Variants in AKAP3 observed in about 807,000 individuals in gnomAD.
AKAP3 encodes A-kinase anchoring protein 3, also known as A-kinase anchor protein 3.
Under a neutral mutation model 57.2 loss-of-function variants are expected in AKAP3, and 27 were observed. The observed-to-expected ratio is 0.47, with a 90% CI of 0.35 to 0.65. The LOEUF is 0.65. Ranked by LOEUF, AKAP3 falls within the 30% of genes least tolerant of loss-of-function variation. AKAP3 has a pLI of 0.01. For missense variants in AKAP3, 959 were observed against 1,040.0 expected (o/e 0.92, Z 1.07); for synonymous variants, 334 against 392.3 (o/e 0.85, Z 1.76).
At chr12:4,640,685 C>T (rs1446586692) in intron 3 of AKAP3, among the ~76,000 whole-genome samples, 3 of 152,220 alleles carry the variant, frequency 2.0e-5, no homozygotes, top group Non-Finnish European at 4.4e-5. Flanking sequence ...ACACAGGAAT[C>T]ACTAACTCAG....
chr12:4,627,856 A>T lies in AKAP3; in HGVS notation c.1046T>A (p.Met349Lys). 1 of 1,614,162 alleles carries T rather than the reference A, an allele frequency of 6.2e-7. No individual in the cohort carries two copies. The highest frequency in any genetic ancestry group is 8.5e-7 in the Non-Finnish European group (1 of 1,180,024). Reference protein sequence around the residue: ...RNLHSVTGTLMTDTQFVSAVK... With the variant: ...RNLHSVTGTLKTDTQFVSAVK... Reference sequence around the variant, plus strand: ...AGCCGAGACAAACTGTGTGTCAGTCATGAGGGTCCCTGTGACGCTGTGGAG... The same window carrying T: ...AGCCGAGACAAACTGTGTGTCAGTCTTGAGGGTCCCTGTGACGCTGTGGAG... Residue 349 changes from methionine to lysine, a missense_variant, in exon 5 of 6, where the codon ATG becomes AAG. Met to Lys is a moderately conservative substitution (Grantham distance 95). Coordinates refer to ENST00000228850, the MANE Select transcript of AKAP3 (RefSeq NM_001278309.2).
rs775065437 is a variant in AKAP3 at position 4,627,294 on chromosome 12, T to C, written c.1608A>G (p.Gln536=). The C allele has an allele frequency of 1.1e-5, 17 of 1,613,854 alleles. No individual in the cohort carries two copies. In the Admixed American group the frequency reaches 2.5e-4, roughly 24 times the overall value. ...DLIVSALLLI[Q]YHLAQGGRRD... ...TTCTTCCTCCCTGGGCCAGGTGATA[T>C]TGAATCAGAAGCAGGGCAGACACGA... The change falls in exon 5 of 6, where the codon CAA becomes CAG. Residue 536 remains glutamine, a synonymous_variant. Transcript: ENST00000228850.
At chr12:4,638,634 A>G (rs915416605) in intron 3 of AKAP3, among the ~76,000 whole-genome samples, 1 of 152,152 alleles carries the variant, frequency 6.6e-6, no homozygotes, top group Non-Finnish European at 1.5e-5. Context: ...CTTTTAAGTA[A>G]TTGTTTCATT....
At chr12:4,641,640 A>G (rs1019237613) in intron 3 of AKAP3, among the ~76,000 whole-genome samples, 1 of 152,240 alleles carries the variant, frequency 6.6e-6, no homozygotes, top group African/African-American at 2.4e-5. Flanking sequence ...CATCGTTACT[A>G]TAAAGAAAAC....
At chr12:4,617,477 G>A (rs1161426442) in intron 5 of AKAP3, among the ~76,000 whole-genome samples, 8 of 152,218 alleles carry the variant, frequency 5.3e-5, no homozygotes, top group East Asian at 1.9e-4. Context: ...TAAGGGCCGG[G>A]AGCAGTGGCT....
chr12:4,619,087 T>A (rs1342086679), intron 5 of AKAP3, among the ~76,000 whole-genome samples: 1 of 152,204 alleles, frequency 6.6e-6, no homozygotes, highest in Non-Finnish European at 1.5e-5. Context: ...ATATTTCTCA[T>A]CATTTTAATG....
At chr12:4,639,224 G>A (rs984797095) in intron 3 of AKAP3, among the ~76,000 whole-genome samples, 9 of 152,122 alleles carry the variant, frequency 5.9e-5, no homozygotes, top group Non-Finnish European at 1.3e-4. Flanking sequence ...GTTATCCACT[G>A]ATCATCTAAA....
chr12:4,629,786 G>A (rs1591822372), intron 4 of AKAP3, among the ~76,000 whole-genome samples: 1 of 152,178 alleles, frequency 6.6e-6, no homozygotes, highest in East Asian at 1.9e-4. Flanking sequence ...CCAAAAAAAT[G>A]AGAAAATTCA....
intron 3 of AKAP3, among the ~76,000 whole-genome samples, chr12:4,638,924 A>G (rs1410952849): frequency 6.6e-6 from 1 of 152,138 alleles, no homozygotes; most frequent in Non-Finnish European, 1.5e-5. Flanking sequence ...TGGCACCACC[A>G]TTTACCTGGT....
chr12:4,629,990 A>G (rs140783484), intron 4 of AKAP3, among the ~76,000 whole-genome samples: 38 of 152,228 alleles, frequency 2.5e-4, no homozygotes, highest in Non-Finnish European at 3.8e-4. Flanking sequence ...ATATGTTTGT[A>G]AATTGTACAA....
At chr12:4,629,816 A>G (rs1034056758) in intron 4 of AKAP3, among the ~76,000 whole-genome samples, 7 of 152,218 alleles carry the variant, frequency 4.6e-5, no homozygotes, top group Non-Finnish European at 7.3e-5. Context: ...GTGGATAATT[A>G]ATCACTTTGC....
At position 4,635,285 on chromosome 12, in the gene AKAP3, C is replaced by T. The variant is rs1233307697; in HGVS notation, c.96+2816G>A. 1.1e-5 allele frequency: 4 copies of T among 353,616 alleles called. No homozygotes were observed. The South Asian group carries it at 1.3e-4, about 11-fold the overall frequency. 21.9% of individuals were successfully genotyped at this position (353,616 alleles called of 1,614,324 possible). On this transcript the variant is annotated intron_variant, in intron 4 of 5. Transcript: ENST00000228850. ...CTGGGCTGGTTAAATGGTCCAATTC[C>T]ATTGTTATTAACATTTAAGAAGCAG...
rs1945732741 is a variant in AKAP3, at chr12:4,648,845, G to A, written c.-345C>T. On this transcript the variant is annotated 5_prime_UTR_variant, in exon 1 of 6. Coordinates refer to ENST00000228850, the MANE Select transcript of AKAP3 (RefSeq NM_001278309.2). ...GGTCTTGCCATTTTGCATGTCCTGA[G>A]TCAGTCACTGGTTAACTCTGAACTT... The A allele has an allele frequency of 2.3e-6, 1 of 438,252 alleles. No homozygotes were observed. The highest frequency in any genetic ancestry group is 4.1e-6 in the Non-Finnish European group (1 of 246,358). The allele number at this position is 438,252 out of a possible 1,614,324, so 27.1% of individuals were successfully genotyped here.
In AKAP3 at chr12:4,628,595, G is replaced by C; in HGVS notation, c.307C>G (p.His103Asp). ...TPERLHFEMT[H>D]KEIPCQGPRA... ...GGGCCCTGGCAAGGAATCTCTTTGT[G>C]AGTCATCTCAAAATGCAATCTTTCT... The change falls in exon 5 of 6, where the codon CAC becomes GAC. Residue 103 changes from histidine (H) to aspartate (D), a missense_variant. His to Asp is a moderately conservative substitution (Grantham distance 81). Coordinates refer to ENST00000228850, the MANE Select transcript of AKAP3 (RefSeq NM_001278309.2). 1 of 1,614,186 alleles carries C rather than the reference G, an allele frequency of 6.2e-7. No individual in the cohort carries two copies. Among genetic ancestry groups the C allele is most frequent in the South Asian group, 1.1e-5 (1 of 91,064 alleles).
chr12:4,646,751 C>CT (rs1945704494), intron 1 of AKAP3, among the ~76,000 whole-genome samples: 1 of 152,052 alleles, frequency 6.6e-6, no homozygotes, highest in Admixed American at 6.5e-5. Flanking sequence ...AGTGCACCTA[C>CT]TAGTCAAATT....
At chr12:4,636,081 C>A in intron 4 of AKAP3, 1 of 1,289,988 alleles carries the variant, frequency 7.8e-7, no homozygotes, top group South Asian at 1.2e-5. Flanking sequence ...CAGACTCTCC[C>A]AGAAATACTG....
rs564916393 is a variant in AKAP3, at chr12:4,615,846, C to T, written c.2455G>A (p.Glu819Lys). The T allele has an allele frequency of 1.6e-5, 26 of 1,614,242 alleles. No homozygotes were observed. Among genetic ancestry groups the T allele is most frequent in the African/African-American group, 4.0e-5 (3 of 75,072 alleles). ...TAGCGCAGCACCGACTGCAGAACCT[C>T]GCCCACACTGCATCCTTTGTCCACA... ...AAVDKGCSVG[E>K]VLQSVLRYEK... Residue 819 changes from glutamate to lysine, a missense_variant, in exon 6 of 6, where the codon GAG (glutamate) becomes AAG (lysine). Coordinates refer to ENST00000228850, the MANE Select transcript of AKAP3 (RefSeq NM_001278309.2).
rs1399430903 is a variant in AKAP3 at position 4,627,924 on chromosome 12, T to C, written c.978A>G (p.Ala326=). The change falls in exon 5 of 6, where the codon GCA becomes GCG. Residue 326 remains alanine, a synonymous_variant. Coordinates refer to ENST00000228850, the MANE Select transcript of AKAP3 (RefSeq NM_001278309.2). ...CGATGAGATCCGAGACCACCTCTTT[T>C]GCATGCTTGAGCAGAACCTTCTTCA... ...ILLKKVLLKH[A]KEVVSDLIDS... 3 of 1,614,150 alleles carry C rather than the reference T, an allele frequency of 1.9e-6. No individual in the cohort carries two copies. The highest frequency in any genetic ancestry group is 2.5e-6 in the Non-Finnish European group (3 of 1,180,014).
Position 4,627,782 on chromosome 12 carries a change from T to C in AKAP3, c.1120A>G (p.Met374Val). The change falls in exon 5 of 6, where the codon ATG becomes GTG. Residue 374 changes from methionine to valine, a missense_variant. Physicochemically the swap from Met to Val is conservative, Grantham distance 21. Coordinates refer to ENST00000228850, the MANE Select transcript of AKAP3 (RefSeq NM_001278309.2). ...SHGSQKATDI[M>V]DAMLRKLYNV... ...TACAGCTTCCTTAGCATGGCATCCA[T>C]GATATCTGTGGCCTTTTGGCTTCCA... 6.2e-7 allele frequency: 1 copy of C among 1,614,176 alleles called. No individual in the cohort carries two copies. The highest frequency in any genetic ancestry group is 8.5e-7 in the Non-Finnish European group (1 of 1,180,022).
Sources: allele counts gnomAD v4.1 joint callset (sites outside exome capture counted in the v4.1 genomes callset), GRCh38; gene constraint gnomAD v4.1.1; transcripts MANE v1.5; gene names NCBI Gene and HGNC (gene_info 2026-07-23, HGNC 2026-07-21).